The following DNMT1 variants were observed in gnomAD, a reference collection of about 807,000 sequenced individuals.
DNMT1 encodes DNA (cytosine-5)-methyltransferase 1.
A neutral mutation model predicts 205.3 loss-of-function variants in DNMT1; 24 were observed. The observed-to-expected ratio is 0.12, with a 90% CI of 0.08 to 0.16. The LOEUF is 0.16. Ranked by LOEUF, DNMT1 falls within the 10% of genes least tolerant of loss-of-function variation. DNMT1 has a pLI of 1.00. For synonymous variants in DNMT1, 817 were observed against 839.8 expected, an observed-to-expected ratio of 0.97 and a Z score of 0.47; for missense variants, 1,293 against 2,177.7, an observed-to-expected ratio of 0.59 and a Z score of 8.09.
At chr19:10,152,936 C>CA (rs34698448) in intron 22 of DNMT1, among the ~76,000 whole-genome samples, 5,980 of 72,556 alleles carry the variant, frequency 0.082, 212 homozygotes, top group Non-Finnish European at 0.13. Flanking sequence ...CCTGTCTCTA[C>CA]AAAAAAAAAA....
rs190841054 is a variant in DNMT1 at position 10,139,947 on chromosome 19, G to A, written c.3806+99C>T. On this transcript the variant is annotated intron_variant, in intron 33 of 40. Transcript: ENST00000359526. ...GGTGAGAGCTGAGCTGTGAGCTTCCGGGGGGCAGAGGCCTCAGTGCAGGGC... is the reference window on the plus strand; with the variant it reads ...GGTGAGAGCTGAGCTGTGAGCTTCCAGGGGGCAGAGGCCTCAGTGCAGGGC... 1.2e-3 allele frequency: 1,942 copies of A among 1,592,854 alleles called. 29 individuals carry two copies. The Admixed American group carries it at 0.03, about 25-fold the overall frequency.
Position 10,156,530 on chromosome 19 carries a change from A to C in DNMT1, c.1281-21T>G. Reference sequence around the variant, plus strand: ...ACACACTAGACAGGAAACAAAGCACATGCTTACCAGCTAAGCCGTGAAGGC... The same window carrying C: ...ACACACTAGACAGGAAACAAAGCACCTGCTTACCAGCTAAGCCGTGAAGGC... On this transcript the variant is annotated intron_variant, in intron 17 of 40. Transcript: ENST00000359526. This position sits in a 1 kb window ranked among gnomAD's most constrained non-coding sequence, Gnocchi z 4.2. 3 of 1,586,324 alleles carry C rather than the reference A, an allele frequency of 1.9e-6. No homozygotes were observed. The highest frequency in any genetic ancestry group is 2.2e-5 in the South Asian group (2 of 90,520).
In DNMT1 at chr19:10,149,963, A is replaced by G. The variant is rs2038303462; in HGVS notation, c.2271T>C (p.Asp757=). 6.2e-7 allele frequency: 1 copy of G among 1,613,882 alleles called. No individual in the cohort carries two copies. The highest frequency in any genetic ancestry group is 1.7e-5 in the Admixed American group (1 of 59,992). Residue 757 remains aspartate (D), a synonymous_variant, in exon 25 of 41, where the codon GAT becomes GAC. Transcript: ENST00000359526. ...CCTTCTTATAGTAACTCTTCTTCCC[A>G]TCAGTCTGAAAATGAGAGCATAAGT... ...ISWVGEAVKT[D]GKKSYYKKVC...
chr19:10,147,192 G>T (rs1041583019), intron 27 of DNMT1, among the ~76,000 whole-genome samples: 3 of 152,132 alleles, frequency 2.0e-5, no homozygotes, highest in South Asian at 2.1e-4. Flanking sequence ...AGCCCAGCAG[G>T]TCGAGGCTAC....
intron 1 of DNMT1, among the ~76,000 whole-genome samples, chr19:10,191,158 G>A (rs760678274): frequency 1.3e-5 from 2 of 151,698 alleles, no homozygotes; most frequent in Non-Finnish European, 2.9e-5. Context: ...GTGCACACCT[G>A]TAATCCCAGC....
intron 1 of DNMT1, among the ~76,000 whole-genome samples, chr19:10,183,953 C>A (rs537842663): frequency 6.6e-5 from 10 of 152,224 alleles, no homozygotes; most frequent in Non-Finnish European, 1.3e-4. Flanking sequence ...ACTTGGGAGG[C>A]TGAGGAAGGA....
rs1197379199 is a variant in DNMT1, at chr19:10,156,181, A to G, written c.1399+210T>C. ...GTATGTTTTTTATTTATACATATAT[A>G]TAAGTATATATGTATACTATATATA... On this transcript the variant is annotated intron_variant, in intron 18 of 40. Coordinates refer to ENST00000359526, the MANE Select transcript of DNMT1 (RefSeq NM_001130823.3). The surrounding 1 kb of genome is among the most constrained non-coding windows in gnomAD (Gnocchi z 4.2). Among the ~76,000 whole-genome samples the G allele has an allele frequency of 2.0e-5, 3 of 150,736 alleles. No homozygotes were observed. The highest frequency in any genetic ancestry group is 4.4e-5 in the Non-Finnish European group (3 of 67,824).
At chr19:10,187,350 T>A (rs2039208075) in intron 1 of DNMT1, among the ~76,000 whole-genome samples, 1 of 152,012 alleles carries the variant, frequency 6.6e-6, no homozygotes. Flanking sequence ...ATGCCTGTAA[T>A]CTCTACACTC....
Position 10,168,199 on chromosome 19 carries a change from G to A in DNMT1, c.803+131C>T. On this transcript the variant is annotated intron_variant, in intron 10 of 40. Coordinates refer to ENST00000359526, the MANE Select transcript of DNMT1 (RefSeq NM_001130823.3). Reference sequence around the variant, plus strand: ...TTCAGGGTGGTCTCACCTTTCACAAGCAGAACTTGCCCACATAAGAGACAT... The same window carrying A: ...TTCAGGGTGGTCTCACCTTTCACAAACAGAACTTGCCCACATAAGAGACAT... 7.0e-6 allele frequency: 7 copies of A among 997,932 alleles called. No individual in the cohort carries two copies. The South Asian group carries it at 9.4e-5, about 13-fold the overall frequency. The allele number at this position is 997,932 out of a possible 1,614,324, so 61.8% of individuals were successfully genotyped here.
At chr19:10,143,730 C>G in intron 29 of DNMT1, 36 bp downstream of exon 29, 1 of 1,611,010 alleles carries the variant, frequency 6.2e-7, no homozygotes, top group Non-Finnish European at 8.5e-7. Flanking sequence ...CTAGAAGAGT[C>G]TGTGGCCTCG....
intron 1 of DNMT1, among the ~76,000 whole-genome samples, chr19:10,189,275 A>G (rs886896870): frequency 8.3e-4 from 126 of 152,144 alleles, no homozygotes; most frequent in African/African-American, 2.9e-3. Flanking sequence ...GTGTGCCACC[A>G]TGCCTGGCTA....
chr19:10,165,371 C>G (rs1468740633), intron 11 of DNMT1, among the ~76,000 whole-genome samples: 4 of 152,162 alleles, frequency 2.6e-5, no homozygotes, highest in Non-Finnish European at 5.9e-5. Flanking sequence ...TCCTTGTTCT[C>G]TGGGCACTGC....
rs771471136 is a variant in DNMT1 at position 10,168,403 on chromosome 19, T to C, written c.769-39A>G. 3 of 1,609,194 alleles carry C rather than the reference T, an allele frequency of 1.9e-6. No homozygotes were observed. The Admixed American group carries it at 5.0e-5, about 27-fold the overall frequency. ...AAAAAAGACAAGTTAATTTTTTCCA[T>C]TTGGTTTGGATCTTTCTATTAAAGT... On this transcript the variant is annotated intron_variant, in intron 9 of 40. Coordinates refer to ENST00000359526, the MANE Select transcript of DNMT1 (RefSeq NM_001130823.3).
chr19:10,158,735 G>A (rs1157297763), intron 17 of DNMT1, among the ~76,000 whole-genome samples: 1 of 152,098 alleles, frequency 6.6e-6, no homozygotes, highest in Admixed American at 6.5e-5. Flanking sequence ...GGCCTGCAAG[G>A]CCCTGTGTGG....
chr19:10,150,824 G>C (rs1006042041), intron 24 of DNMT1, among the ~76,000 whole-genome samples: 1 of 152,160 alleles, frequency 6.6e-6, no homozygotes, highest in African/African-American at 2.4e-5. Context: ...CAGGCACAGT[G>C]GCTCCTGCCT....
At chr19:10,185,327 A>G (rs1045670262) in intron 1 of DNMT1, among the ~76,000 whole-genome samples, 1 of 151,640 alleles carries the variant, frequency 6.6e-6, no homozygotes, top group Non-Finnish European at 1.5e-5. Flanking sequence ...CAGGAGGCTG[A>G]GGCAGAAGAA....
chr19:10,191,400 TA>T (rs2039302950), intron 1 of DNMT1, among the ~76,000 whole-genome samples: 1 of 148,762 alleles, frequency 6.7e-6, no homozygotes, highest in South Asian at 2.1e-4. Context: ...GTGAGTCATA[TA>T]AACTACAATT....
At chr19:10,176,841 G>C (rs1219777487) in intron 6 of DNMT1, among the ~76,000 whole-genome samples, 1 of 152,122 alleles carries the variant, frequency 6.6e-6, no homozygotes, top group African/African-American at 2.4e-5. Flanking sequence ...CTGGGTGACA[G>C]CCAGATGCTG....
At chr19:10,171,938 C>T (rs960519839) in intron 9 of DNMT1, among the ~76,000 whole-genome samples, 8 of 151,002 alleles carry the variant, frequency 5.3e-5, no homozygotes, top group Admixed American at 2.6e-4. Context: ...ACCTGGGAGG[C>T]GGAGGTTGCA....
Sources: allele counts gnomAD v4.1 joint callset (sites outside exome capture counted in the v4.1 genomes callset), GRCh38; gene constraint gnomAD v4.1.1; non-coding constraint Gnocchi (gnomAD v3.1); transcripts MANE v1.5; gene names NCBI Gene and HGNC (gene_info 2026-07-23, HGNC 2026-07-21).